The following RELCH variants were observed in gnomAD, a reference collection of about 807,000 sequenced individuals.
RELCH encodes RAB11 binding and LisH domain, coiled-coil and HEAT repeat containing.
A neutral mutation model predicts 150.3 loss-of-function variants in RELCH; 41 were observed. That is an observed-to-expected ratio of 0.27 (90% CI 0.21 to 0.35). RELCH has a LOEUF of 0.35. Ranked by LOEUF, RELCH falls within the 10% of genes least tolerant of loss-of-function variation. RELCH has a pLI of 1.00. For missense variants in RELCH, 1,092 were observed against 1,467.8 expected, an observed-to-expected ratio of 0.74 and a Z score of 4.18; for synonymous variants, 478 against 531.8, an observed-to-expected ratio of 0.90 and a Z score of 1.39.
intron 8 of RELCH, among the ~76,000 whole-genome samples, chr18:62,229,625 A>G (rs1346019459): frequency 8.6e-5 from 13 of 152,008 alleles, no homozygotes; most frequent in Non-Finnish European, 1.5e-4. Flanking sequence ...ACACTAAGGT[A>G]TGAAAAGTAG....
At chr18:62,297,537 G>A (rs17663380) in intron 27 of RELCH, among the ~76,000 whole-genome samples, 58,838 of 151,984 alleles carry the variant, frequency 0.39, 11,575 homozygotes, top group Middle Eastern at 0.5. Flanking sequence ...CAAACAAACA[G>A]ATGCTATAAC....
chr18:62,201,732 T>C (rs538785378), intron 1 of RELCH, among the ~76,000 whole-genome samples: 1 of 152,328 alleles, frequency 6.6e-6, no homozygotes, highest in East Asian at 1.9e-4. Context: ...CTTAGACTTA[T>C]ATATCCATGT....
At position 62,228,750 on chromosome 18, in the gene RELCH, T is replaced by C. The variant is rs140064830; in HGVS notation, c.1448+152T>C. 401 of 591,156 alleles carry C rather than the reference T, an allele frequency of 6.8e-4. 5 individuals carry two copies. The African/African-American group carries it at 7.1e-3, about 10-fold the overall frequency. The allele number at this position is 591,156 out of a possible 1,614,324, so 36.6% of individuals were successfully genotyped here. ...ATGAACTTAACACATAGCAAAGTAG[T>C]TGTCACAAAAAAGTCACAAAATTAT... On this transcript the variant is annotated intron_variant, in intron 8 of 28. Transcript: ENST00000644646.
At chr18:62,209,400 C>T (rs1328523202) in intron 1 of RELCH, among the ~76,000 whole-genome samples, 1 of 152,064 alleles carries the variant, frequency 6.6e-6, no homozygotes, top group Admixed American at 6.5e-5. Context: ...AACTTCTTTC[C>T]TCCAGTGAAA....
chr18:62,285,532 A>T (rs1055482901), intron 25 of RELCH: 1 of 152,260 alleles, frequency 6.6e-6, no homozygotes, highest in Non-Finnish European at 1.5e-5. Context: ...AGGTGGGAGG[A>T]TCACTTGAGG....
chr18:62,214,854 G>A (rs1045573976), intron 2 of RELCH, among the ~76,000 whole-genome samples: 1 of 152,054 alleles, frequency 6.6e-6, no homozygotes, highest in African/African-American at 2.4e-5. Flanking sequence ...TAAAACCATG[G>A]AGGGCACTCT....
intron 11 of RELCH, among the ~76,000 whole-genome samples, chr18:62,250,807 A>G (rs2042664067): frequency 6.6e-6 from 1 of 152,252 alleles, no homozygotes; most frequent in Non-Finnish European, 1.5e-5. Flanking sequence ...TTAAATTGAC[A>G]TATATTGAGA....
intron 25 of RELCH, among the ~76,000 whole-genome samples, chr18:62,282,795 T>A (rs556086445): frequency 6.6e-6 from 1 of 152,258 alleles, no homozygotes; most frequent in South Asian, 2.1e-4. Context: ...GTAGTTGGGA[T>A]TACAGGTGCC....
At chr18:62,222,721 G>A (rs1449030279) in intron 5 of RELCH, among the ~76,000 whole-genome samples, 1 of 151,766 alleles carries the variant, frequency 6.6e-6, no homozygotes, top group Admixed American at 6.6e-5. Flanking sequence ...CAACCAATGG[G>A]CATAATTACA....
intron 1 of RELCH, among the ~76,000 whole-genome samples, chr18:62,203,197 C>T (rs2039558178): frequency 6.6e-6 from 1 of 152,194 alleles, no homozygotes; most frequent in Admixed American, 6.5e-5. Context: ...GTGGCTCACA[C>T]CTGTAATATC....
intron 10 of RELCH, among the ~76,000 whole-genome samples, chr18:62,240,509 A>G (rs1277720781): frequency 6.6e-6 from 1 of 151,228 alleles, no homozygotes; most frequent in Non-Finnish European, 1.5e-5. Context: ...TCTGGCCTCA[A>G]TAGATCCTCC....
chr18:62,286,524 G>A (rs1035815841), intron 25 of RELCH, among the ~76,000 whole-genome samples: 4 of 151,918 alleles, frequency 2.6e-5, no homozygotes, highest in African/African-American at 9.7e-5. Context: ...ACAAGAAAGG[G>A]GTCACTACAG....
At chr18:62,249,816 C>A (rs963733557) in intron 11 of RELCH, among the ~76,000 whole-genome samples, 1 of 151,286 alleles carries the variant, frequency 6.6e-6, no homozygotes, top group Non-Finnish European at 1.5e-5. Flanking sequence ...CTAAAATAGA[C>A]TAATATATTC....
chr18:62,223,170 A>G (rs1203154823), intron 5 of RELCH, among the ~76,000 whole-genome samples: 1 of 151,912 alleles, frequency 6.6e-6, no homozygotes, highest in African/African-American at 2.4e-5. Flanking sequence ...AAAACAATAG[A>G]GAAAAATTAA....
intron 19 of RELCH, among the ~76,000 whole-genome samples, chr18:62,267,143 TATAAGC>T (rs1463583269): frequency 6.6e-6 from 1 of 151,916 alleles, no homozygotes; most frequent in African/African-American, 2.4e-5. Flanking sequence ...AAGAACGGTA[TATAAGC>T]ATATATGTTT....
intron 22 of RELCH, chr18:62,275,708 C>T: frequency 2.9e-6 from 1 of 346,968 alleles, no homozygotes; most frequent in Non-Finnish European, 5.2e-6. Flanking sequence ...TCAATTATCA[C>T]TTTTATTTCT....
chr18:62,308,501 C>T lies in RELCH; in HGVS notation c.*2967C>T, dbSNP rs2045935637. On this transcript the variant is annotated 3_prime_UTR_variant, in exon 29 of 29. Coordinates refer to ENST00000644646, the MANE Select transcript of RELCH (RefSeq NM_001346231.2). ...TTTGGGAGGCCAAGGTGACGAATCA[C>T]TTGAGGTCAGTAGTTCAAGACCAGC... The T allele has an allele frequency of 6.6e-6, 1 of 152,034 alleles. No homozygotes were observed. The highest frequency in any genetic ancestry group is 2.4e-5 in the African/African-American group (1 of 41,366). 9.4% of individuals were successfully genotyped at this position (152,034 alleles called of 1,614,324 possible).
Position 62,263,593 on chromosome 18 carries a change from G to A in RELCH, c.2351-396G>A, listed in dbSNP as rs538537136. Among the ~76,000 whole-genome samples the A allele has an allele frequency of 3.3e-5, 5 of 152,000 alleles. No homozygotes were observed. The South Asian group carries it at 1.0e-3, about 31-fold the overall frequency. ...TAAAATTTGGGTTATAATTTGTTAT[G>A]AATGAAGATTTGTTTTCTCATAAAA... On this transcript the variant is annotated intron_variant, in intron 16 of 28. Transcript: ENST00000644646.
chr18:62,304,022 A>G (rs1215284363), intron 28 of RELCH, among the ~76,000 whole-genome samples: 1 of 152,232 alleles, frequency 6.6e-6, no homozygotes, highest in Non-Finnish European at 1.5e-5. Flanking sequence ...AAATAGAAGT[A>G]GAAGGAGCTA....
Sources: allele counts gnomAD v4.1 joint callset (sites outside exome capture counted in the v4.1 genomes callset), GRCh38; gene constraint gnomAD v4.1.1; transcripts MANE v1.5; gene names NCBI Gene and HGNC (gene_info 2026-07-23, HGNC 2026-07-21).